The following PRDM10 variants were observed in gnomAD, a reference collection of about 807,000 sequenced individuals.
PRDM10 encodes the protein PR/SET domain 10.
In PRDM10, 65 loss-of-function variants were observed where a neutral mutation model predicts 133.1. The ratio of observed to expected loss-of-function variants is 0.49; its 90% confidence interval spans 0.40 to 0.60. PRDM10 has a LOEUF of 0.60. Ranked by LOEUF, PRDM10 falls within the 20% of genes least tolerant of loss-of-function variation. PRDM10 has a pLI of 0.00. For synonymous variants in PRDM10, 582 were observed against 580.4 expected, an observed-to-expected ratio of 1.00 and a Z score of -0.04; for missense variants, 1,137 against 1,507.1, an observed-to-expected ratio of 0.75 and a Z score of 4.07.
intron 1 of PRDM10, among the ~76,000 whole-genome samples, chr11:129,999,824 C>T (rs987462408): frequency 2.0e-5 from 3 of 152,056 alleles, no homozygotes; most frequent in African/African-American, 7.2e-5. Flanking sequence ...CTTCATGATG[C>T]CCCCTTCAAA....
At chr11:129,955,013 C>T (rs187784742) in intron 4 of PRDM10, among the ~76,000 whole-genome samples, 189 of 152,214 alleles carry the variant, frequency 1.2e-3, no homozygotes, top group African/African-American at 3.8e-3. Flanking sequence ...AGGAGGAAGT[C>T]ATCAAAGCCA....
Position 129,918,706 on chromosome 11 carries a change from G to C in PRDM10, c.2047C>G (p.Leu683Val). 1.2e-6 allele frequency: 2 copies of C among 1,609,872 alleles called. No individual in the cohort carries two copies. The highest frequency in any genetic ancestry group is 1.7e-6 in the Non-Finnish European group (2 of 1,177,900). ...CGKQFKRKDK[L>V]REHMQRMHNP... Reference sequence around the variant, plus strand: ...TGCATCCTCTGCATGTGTTCCCGTAGTTTGTCTTTTCGCTATTTGGAGAGT... The same window carrying C: ...TGCATCCTCTGCATGTGTTCCCGTACTTTGTCTTTTCGCTATTTGGAGAGT... Residue 683 changes from leucine (L) to valine (V), a missense_variant, in exon 14 of 21, where the codon CTA (leucine) becomes GTA (valine). By Grantham distance (32) the Leu-to-Val change is conservative. Around this residue, in one of 6 missense-constraint regions of PRDM10, gnomAD observed 78 missense variants for 96.4 expected, o/e 0.81. Transcript: ENST00000360871. The surrounding 1 kb of genome is among the most constrained non-coding windows in gnomAD (Gnocchi z 5.3).
At chr11:129,925,288 A>T (rs181625307) in intron 11 of PRDM10, 59 bp from the exon 12 acceptor site, 3 of 1,443,360 alleles carry the variant, frequency 2.1e-6, no homozygotes, top group African/African-American at 2.8e-5. Context: ...CAACTGGATC[A>T]CACTTTTACA....
At position 129,945,091 on chromosome 11, in the gene PRDM10, A is replaced by C; in HGVS notation, c.521-79T>G. ...TGTGAGGTAAAAAATTCTGACCCGAAAAATCCCCGTCTGCATTTTCAAGCC... is the reference window on the plus strand; with the variant it reads ...TGTGAGGTAAAAAATTCTGACCCGACAAATCCCCGTCTGCATTTTCAAGCC... On this transcript the variant is annotated intron_variant, in intron 5 of 20. Coordinates refer to ENST00000360871, the MANE Select transcript of PRDM10 (RefSeq NM_199437.2). The surrounding 1 kb of genome is among the most constrained non-coding windows in gnomAD (Gnocchi z 4.2). 1 of 1,554,054 alleles carries C rather than the reference A, an allele frequency of 6.4e-7. No individual in the cohort carries two copies. The highest frequency in any genetic ancestry group is 8.7e-7 in the Non-Finnish European group (1 of 1,148,538).
chr11:129,990,239 G>A (rs191283326), intron 1 of PRDM10, among the ~76,000 whole-genome samples: 128 of 152,110 alleles, frequency 8.4e-4, no homozygotes, highest in African/African-American at 2.9e-3. Flanking sequence ...CCAGCTACTC[G>A]GGAGGCTGAG....
chr11:129,930,931 G>A, intron 11 of PRDM10, 85 bp downstream of exon 11: 2 of 1,498,014 alleles, frequency 1.3e-6, no homozygotes, highest in Non-Finnish European at 1.8e-6. Flanking sequence ...AGAGGAAGGT[G>A]AATAGGTTAG....
In PRDM10 at chr11:129,935,082, A is replaced by T. The variant is rs75888032; in HGVS notation, c.1157+19T>A. The T allele has an allele frequency of 3.7e-4, 589 of 1,578,840 alleles. No individual in the cohort carries two copies. In the African/African-American group the frequency reaches 7.1e-3, roughly 19 times the overall value. On this transcript the variant is annotated intron_variant, in intron 9 of 20. Transcript: ENST00000360871. ...ACCTTTATGAACTCAGTCTGTGAGCATTTCTCCCTCATACATACCTGCTAA... is the reference window on the plus strand; with the variant it reads ...ACCTTTATGAACTCAGTCTGTGAGCTTTTCTCCCTCATACATACCTGCTAA...
chr11:130,002,076 C>G (rs909735557), intron 1 of PRDM10, among the ~76,000 whole-genome samples: 1 of 151,184 alleles, frequency 6.6e-6, no homozygotes, highest in Non-Finnish European at 1.5e-5. Context: ...GAACAGGACC[C>G]TCCGCCCCAC....
chr11:129,972,396 C>A (rs986995337), intron 1 of PRDM10, among the ~76,000 whole-genome samples: 2 of 152,182 alleles, frequency 1.3e-5, no homozygotes, highest in African/African-American at 4.8e-5. Context: ...AAATGACTGG[C>A]AACAATAGCA....
Position 129,944,892 on chromosome 11 carries a change from A to G in PRDM10, c.641T>C (p.Ile214Thr), listed in dbSNP as rs1487085942. 2 of 1,614,032 alleles carry G rather than the reference A, an allele frequency of 1.2e-6. No individual in the cohort carries two copies. Among genetic ancestry groups the G allele is most frequent in the Non-Finnish European group, 1.7e-6 (2 of 1,180,042 alleles). ...ARASLPLVLYIDRFLGGVFSK... is the reference protein window; with the variant it reads ...ARASLPLVLYTDRFLGGVFSK... ...GAACACCCCGCCCAGAAACCTGTCT[A>G]TGTAGAGCACCAGGGGGAGGCTCGC... Residue 214 changes from isoleucine to threonine, a missense_variant, in exon 6 of 21, where the codon ATA (isoleucine) becomes ACA (threonine). By Grantham distance (89) the Ile-to-Thr change is moderately conservative. This residue lies in a region of PRDM10 where 635 missense variants were observed against 835.2 expected (regional missense o/e 0.76). Coordinates refer to ENST00000360871, the MANE Select transcript of PRDM10 (RefSeq NM_199437.2).
intron 4 of PRDM10, chr11:129,948,173 A>G (rs1951482025): frequency 6.9e-6 from 3 of 436,152 alleles, no homozygotes; most frequent in South Asian, 4.9e-5. Context: ...ATCCTGGCAG[A>G]AAATAAAAAT....
rs1426183032 is a variant in PRDM10, at chr11:129,961,043, G to A, written c.-79C>T. ...CAGGACAGTCATCTGTCTACCACACGTGTGTTCATGAAGGACGGAAAGGTC... is the reference window on the plus strand; with the variant it reads ...CAGGACAGTCATCTGTCTACCACACATGTGTTCATGAAGGACGGAAAGGTC... On this transcript the variant is annotated 5_prime_UTR_variant, in exon 2 of 21. It adds an upstream start codon to the 5' untranslated region. Coordinates refer to ENST00000360871, the MANE Select transcript of PRDM10 (RefSeq NM_199437.2). 42 of 1,351,382 alleles carry A rather than the reference G, an allele frequency of 3.1e-5. No individual in the cohort carries two copies. Among genetic ancestry groups the A allele is most frequent in the Admixed American group, 7.1e-5 (4 of 56,698 alleles). The allele number at this position is 1,351,382 out of a possible 1,614,324, so 83.7% of individuals were successfully genotyped here.
chr11:129,970,893 GT>G (rs1294449464), intron 1 of PRDM10, among the ~76,000 whole-genome samples: 1 of 152,102 alleles, frequency 6.6e-6, no homozygotes, highest in African/African-American at 2.4e-5. Flanking sequence ...GTAGTCCAAA[GT>G]TTTCCACCAA....
intron 19 of PRDM10, 107 bp downstream of exon 19, chr11:129,910,369 A>G: frequency 6.8e-7 from 1 of 1,466,986 alleles, no homozygotes; most frequent in Non-Finnish European, 9.3e-7. Flanking sequence ...GAGTGTAAAC[A>G]ATGGCCAAGA....
rs763504586 is a variant in PRDM10 at position 129,931,247 on chromosome 11, A to G, written c.1299T>C (p.His433=). The G allele has an allele frequency of 6.2e-7, 1 of 1,613,908 alleles. No individual in the cohort carries two copies. The highest frequency in any genetic ancestry group is 8.5e-7 in the Non-Finnish European group (1 of 1,179,866). ...KSDDGTQDLL[H]FPTKEQFDEA... ...CATCAAATTGCTCCTTTGTGGGAAA[A>G]TGTAGCAAGTCCTGAAATTTGCAAT... Residue 433 remains histidine (H), a synonymous_variant, in exon 11 of 21, where the codon CAT becomes CAC. Coordinates refer to ENST00000360871, the MANE Select transcript of PRDM10 (RefSeq NM_199437.2).
At chr11:129,916,979 C>A (rs1950377426) in intron 15 of PRDM10, 148 bp downstream of exon 15, 1 of 519,450 alleles carries the variant, frequency 1.9e-6, no homozygotes, top group Non-Finnish European at 3.2e-6. Flanking sequence ...ATTTCTAGTC[C>A]TTTCTTGTCT....
Position 129,910,533 on chromosome 11 carries a change from TCTGCTGCTGCTG to T in PRDM10, c.3094_3105del (p.Gln1032_Gln1035del), listed in dbSNP as rs113169112. The T allele has an allele frequency of 3.7e-6, 6 of 1,612,398 alleles. No homozygotes were observed. The highest frequency in any genetic ancestry group is 4.5e-5 in the East Asian group (2 of 44,820). On this transcript the variant is annotated inframe_deletion, in exon 19 of 21. Transcript: ENST00000360871. ...AGGTACGTGTGCTGCACAGAGGAAT[TCTGCTGCTGCTG>T]CTGCTGCTGCTGCAGAGCCTGCCCC...
intron 4 of PRDM10, among the ~76,000 whole-genome samples, chr11:129,954,262 A>AT (rs1264728127): frequency 7.8e-6 from 1 of 127,636 alleles, no homozygotes; most frequent in African/African-American, 3.9e-5. Flanking sequence ...AATTTAATTT[A>AT]TTTATTTTTT....
intron 1 of PRDM10, among the ~76,000 whole-genome samples, chr11:130,000,044 T>A (rs1389459108): frequency 1.4e-5 from 2 of 146,918 alleles, no homozygotes; most frequent in Non-Finnish European, 3.0e-5. Context: ...GCTTCTAAAT[T>A]TTTTTTTTTT....
Sources: allele counts gnomAD v4.1 joint callset (sites outside exome capture counted in the v4.1 genomes callset), GRCh38; gene constraint gnomAD v4.1.1; regional missense constraint gnomAD v4.1.1; non-coding constraint Gnocchi (gnomAD v3.1); transcripts MANE v1.5; gene names NCBI Gene and HGNC (gene_info 2026-07-23, HGNC 2026-07-21).